The following PIK3CD variants were observed in gnomAD, a reference collection of about 807,000 sequenced individuals.
PIK3CD encodes phosphatidylinositol 4,5-bisphosphate 3-kinase catalytic subunit delta isoform.
In PIK3CD, 20 loss-of-function variants were observed where a neutral mutation model predicts 122.9. The ratio of observed to expected loss-of-function variants is 0.16; its 90% CI spans 0.11 to 0.24. PIK3CD has a LOEUF of 0.24. Among genes scored for constraint, PIK3CD ranks in the 10% least tolerant of loss-of-function variants. The pLI, the probability that PIK3CD is intolerant of heterozygous loss-of-function variation, is 1.00. For missense variants in PIK3CD, 787 were observed against 1,406.3 expected, an observed-to-expected ratio of 0.56 and a Z score of 7.04; for synonymous variants, 596 against 593.4, an observed-to-expected ratio of 1.00 and a Z score of -0.06.
Position 9,715,286 on chromosome 1 carries a change from G to T in PIK3CD, c.142-255G>T, listed in dbSNP as rs1647247052. Among the ~76,000 whole-genome samples, 1 of 152,232 alleles carries T rather than the reference G, an allele frequency of 6.6e-6. No individual in the cohort carries two copies. The highest frequency in any genetic ancestry group is 6.5e-5 in the Admixed American group (1 of 15,286). On this transcript the variant is annotated intron_variant, in intron 3 of 23. Transcript: ENST00000377346. This position sits in a 1 kb window ranked among gnomAD's most constrained non-coding sequence, Gnocchi z 4.1. ...AGGGTGGTCCTGCACTCTGGGAGGG[G>T]AGCCTGTAGGACGTGGTGCCAGCCC...
chr1:9,707,894 T>C (rs947799226), intron 2 of PIK3CD, among the ~76,000 whole-genome samples: 20 of 147,686 alleles, frequency 1.4e-4, no homozygotes, highest in Admixed American at 1.3e-4. Context: ...CCTGGGTTCA[T>C]GCCATTCTCC....
At chr1:9,640,689 G>A in the PIK3CD span, among the ~76,000 whole-genome samples, 3 of 152,092 alleles carry the variant, frequency 2.0e-5, no homozygotes, top group African/African-American at 7.2e-5. Flanking sequence ...ACTGAGCAAG[G>A]AAATGTACGG....
At chr1:9,682,528 A>G (rs1472151002) in intron 1 of PIK3CD, among the ~76,000 whole-genome samples, 1 of 150,370 alleles carries the variant, frequency 6.7e-6, no homozygotes, top group Non-Finnish European at 1.5e-5. Context: ...GTCAGCCACC[A>G]CGTCTGGCCT....
At chr1:9,654,324 C>G (rs778468491) in intron 1 of PIK3CD, 1 of 1,367,762 alleles carries the variant, frequency 7.3e-7, no homozygotes, top group Admixed American at 1.9e-5. Context: ...GGTCTTTGCA[C>G]TAAGCTGTGG....
intron 1 of PIK3CD, among the ~76,000 whole-genome samples, chr1:9,678,144 C>CA (rs58400420): frequency 3.0e-3 from 397 of 134,042 alleles, no homozygotes; most frequent in Non-Finnish European, 4.1e-3. Flanking sequence ...AACTCCATCT[C>CA]AAAAAAAAAA....
At chr1:9,660,681 C>T (rs953681467) in intron 1 of PIK3CD, 1 of 152,148 alleles carries the variant, frequency 6.6e-6, no homozygotes, top group Non-Finnish European at 1.5e-5. Context: ...TGAGCGTGGG[C>T]ACACACTCGG....
At chr1:9,707,549 TTCCCCTCTGTGTG>T (rs1359953464) in intron 2 of PIK3CD, among the ~76,000 whole-genome samples, 1 of 152,026 alleles carries the variant, frequency 6.6e-6, no homozygotes, top group Non-Finnish European at 1.5e-5. Flanking sequence ...GTGTGTGCTG[TTCCCCTCTGTGTG>T]TCCATGTGTT....
rs1649842471 is a variant in PIK3CD, at chr1:9,727,460, GCGACC to G, written c.*416_*420del. On this transcript the variant is annotated 3_prime_UTR_variant, in exon 24 of 24. Coordinates refer to ENST00000377346, the MANE Select transcript of PIK3CD (RefSeq NM_005026.5). ...TCCGACAGGATGCCTTGATCCTCGT[GCGACC>G]CACCCTGTGTATCCTCCCTAGACTG... 2.6e-6 allele frequency: 1 copy of G among 388,236 alleles called. No homozygotes were observed. The highest frequency in any genetic ancestry group is 2.0e-5 in the African/African-American group (1 of 49,018). The allele number at this position is 388,236 out of a possible 1,614,324, so 24.0% of individuals were successfully genotyped here.
chr1:9,672,090 T>C (rs1645347332), intron 1 of PIK3CD, among the ~76,000 whole-genome samples: 1 of 152,174 alleles, frequency 6.6e-6, no homozygotes, highest in South Asian at 2.1e-4. Flanking sequence ...TTTCTCCAAC[T>C]TTCCCACCAT....
At position 9,704,912 on chromosome 1, in the gene PIK3CD, C is replaced by T. The variant is rs1177850138; in HGVS notation, c.-32-5512C>T. Reference sequence around the variant, plus strand: ...GTGGTTTTGCAATTGGAGGAAGTGGCGACCAGCAGTGGCAGTGCCTAGAGA... The same window carrying T: ...GTGGTTTTGCAATTGGAGGAAGTGGTGACCAGCAGTGGCAGTGCCTAGAGA... On this transcript the variant is annotated intron_variant, in intron 2 of 23. Coordinates refer to ENST00000377346, the MANE Select transcript of PIK3CD (RefSeq NM_005026.5). This position sits in a 1 kb window ranked among gnomAD's most constrained non-coding sequence, Gnocchi z 5.0. Among the ~76,000 whole-genome samples, 2 of 152,190 alleles carry T rather than the reference C, an allele frequency of 1.3e-5. No individual in the cohort carries two copies. The highest frequency in any genetic ancestry group is 4.8e-5 in the African/African-American group (2 of 41,458).
chr1:9,713,928 T>C (rs1167740391), intron 3 of PIK3CD, among the ~76,000 whole-genome samples: 1 of 150,256 alleles, frequency 6.7e-6, no homozygotes, highest in East Asian at 2.0e-4. Flanking sequence ...TCACAGCTCA[T>C]GGCAGCCTCA....
chr1:9,663,030 GTC>G (rs1371792667), intron 1 of PIK3CD, among the ~76,000 whole-genome samples: 1 of 152,182 alleles, frequency 6.6e-6, no homozygotes, highest in Non-Finnish European at 1.5e-5. Flanking sequence ...TGCGGAGGCT[GTC>G]TCTCTGTCCA....
chr1:9,639,588 C>T, the PIK3CD span, among the ~76,000 whole-genome samples: 1 of 152,212 alleles, frequency 6.6e-6, no homozygotes, highest in Non-Finnish European at 1.5e-5. Context: ...CTGAGCCCCC[C>T]ACCCCGGCCC....
At chr1:9,692,849 C>T (rs1396730381) in intron 2 of PIK3CD, among the ~76,000 whole-genome samples, 2 of 152,266 alleles carry the variant, frequency 1.3e-5, no homozygotes, top group Non-Finnish European at 2.9e-5. Context: ...GCACCCTGTC[C>T]CACTCCCACC....
the PIK3CD span, among the ~76,000 whole-genome samples, chr1:9,637,149 G>T: frequency 6.6e-6 from 1 of 152,078 alleles, no homozygotes; most frequent in East Asian, 1.9e-4. Context: ...TGCCTGTCTT[G>T]GCCTCCCAAA....
At chr1:9,629,088 C>T in the PIK3CD span, among the ~76,000 whole-genome samples, 1 of 152,170 alleles carries the variant, frequency 6.6e-6, no homozygotes, top group Non-Finnish European at 1.5e-5. Flanking sequence ...CACCTGAGGT[C>T]ACCTCTTCCC....
At chr1:9,690,399 T>C (rs4240910) in intron 1 of PIK3CD, among the ~76,000 whole-genome samples, 73,584 of 152,134 alleles carry the variant, frequency 0.48, 17,750 homozygotes, top group South Asian at 0.6. Flanking sequence ...GCTTTCCTTA[T>C]GATCCTGTCT....
the PIK3CD span, among the ~76,000 whole-genome samples, chr1:9,640,823 C>A: frequency 6.6e-6 from 1 of 152,150 alleles, no homozygotes; most frequent in African/African-American, 2.4e-5. Flanking sequence ...TGCCCCCTCC[C>A]GCATCCTCCT....
intron 1 of PIK3CD, chr1:9,654,455 C>T: frequency 7.5e-7 from 1 of 1,341,574 alleles, no homozygotes; most frequent in Non-Finnish European, 1.0e-6. Context: ...GGGGGGCTTA[C>T]AGGACAGACA....
Sources: allele counts gnomAD v4.1 joint callset (sites outside exome capture counted in the v4.1 genomes callset), GRCh38; gene constraint gnomAD v4.1.1; non-coding constraint Gnocchi (gnomAD v3.1); transcripts MANE v1.5; gene names NCBI Gene and HGNC (gene_info 2026-07-23, HGNC 2026-07-21).